AGL: variants seen among roughly 807,000 people sequenced by gnomAD.
AGL encodes the protein glycogen debranching enzyme.
Under a neutral mutation model 199.3 loss-of-function variants are expected in AGL, and 128 were observed. The observed-to-expected ratio is 0.64, with a 90% CI of 0.56 to 0.74. The LOEUF is 0.74. AGL is among the 30% of genes least tolerant of loss of function. The pLI is 0.00. For synonymous variants in AGL, 584 were observed against 594.7 expected (o/e 0.98, Z 0.26); for missense variants, 1,809 against 1,820.8 (o/e 0.99, Z 0.12).
chr1:99,877,788 G>A lies in AGL; in HGVS notation c.1571G>A (p.Arg524His), dbSNP rs758182700. Residue 524 changes from arginine to histidine, a missense_variant, in exon 12 of 34, where the codon CGT becomes CAT. By Grantham distance (29) the Arg-to-His change is conservative (BLOSUM62 0). Transcript: ENST00000361915. ...EITATYFQGV[R>H]LDNCHSTPLH... ...ACTGCAACTTATTTCCAGGGAGTAC[G>A]TCTTGATAACTGCCACTCAACACCT... is the stretch of plus-strand genomic sequence containing the variant. The A allele has an allele frequency of 5.0e-6, 8 of 1,613,902 alleles. No homozygotes were observed. The highest frequency in any genetic ancestry group is 2.2e-5 in the East Asian group (1 of 44,854).
chr1:99,852,819 A>T, intron 2 of AGL: 1 of 744,456 alleles, frequency 1.3e-6, no homozygotes, highest in East Asian at 2.5e-5. Context: ...CATTGATATG[A>T]ATCACTCCAT....
intron 33 of AGL, among the ~76,000 whole-genome samples, chr1:99,920,529 G>C (rs563512228): frequency 6.6e-6 from 1 of 152,088 alleles, no homozygotes; most frequent in South Asian, 2.1e-4. Context: ...CAGTCATTTG[G>C]CATTTTACTC....
At chr1:99,852,619 T>C (rs1398438702) in intron 2 of AGL, 6 of 724,606 alleles carry the variant, frequency 8.3e-6, no homozygotes, top group Non-Finnish European at 1.0e-5. Flanking sequence ...CAAGCAACCC[T>C]CCCTCTTTGG....
rs1163701952 is a variant in AGL at position 99,884,342 on chromosome 1, A to G, written c.2437A>G (p.Asn813Asp). The G allele has an allele frequency of 6.2e-7, 1 of 1,613,108 alleles. No individual in the cohort carries two copies. Among genetic ancestry groups the G allele is most frequent in the South Asian group, 1.1e-5 (1 of 91,054 alleles). Residue 813 changes from asparagine to aspartate, a missense_variant, in exon 19 of 34, where the codon AAT becomes GAT. Asn to Asp is a conservative substitution (Grantham distance 23). Coordinates refer to ENST00000361915, the MANE Select transcript of AGL (RefSeq NM_000642.3). ...TVEIREHIQL[N>D]ESKIVKQAGV... is the part of the protein sequence containing the mutation. ...TTTTAATGTACTTTTTTTCAAGCTT[A>G]ATGAAAGTAAAATTGTTAAACAAGC...
At chr1:99,882,851 C>T (rs1652159982) in intron 17 of AGL, among the ~76,000 whole-genome samples, 1 of 152,106 alleles carries the variant, frequency 6.6e-6, no homozygotes, top group Admixed American at 6.6e-5. Flanking sequence ...TTGCTAGTTG[C>T]TGAATATGCA....
intron 27 of AGL, among the ~76,000 whole-genome samples, chr1:99,909,166 C>T (rs1045938724): frequency 1.3e-5 from 2 of 152,014 alleles, no homozygotes; most frequent in African/African-American, 2.4e-5. Context: ...GAGGGGAGCA[C>T]TGTCCCTAAC....
Position 99,915,893 on chromosome 1 carries a change from A to G in AGL, c.4259+407A>G, listed in dbSNP as rs1412021334. On this transcript the variant is annotated intron_variant, in intron 31 of 33. Transcript: ENST00000361915. The stretch of plus-strand genomic sequence containing the variant: ...TATAGATAACTGTGTTATAAGTTCC[A>G]TGTATTACAATAAAGCAATATGTAT... Among the ~76,000 whole-genome samples, 6 of 152,318 alleles carry G rather than the reference A, an allele frequency of 3.9e-5. No individual in the cohort carries two copies. The South Asian group carries it at 6.2e-4, about 16-fold the overall frequency.
chr1:99,907,766 G>T (rs947423216), intron 27 of AGL, among the ~76,000 whole-genome samples: 2 of 131,866 alleles, frequency 1.5e-5, no homozygotes, highest in Admixed American at 1.8e-4. Context: ...TTTCCTTAAT[G>T]ATTTCTTAGT....
chr1:99,918,617 C>T (rs1655302393), intron 33 of AGL, among the ~76,000 whole-genome samples: 1 of 152,152 alleles, frequency 6.6e-6, no homozygotes, highest in Non-Finnish European at 1.5e-5. Context: ...AGCCACCACA[C>T]CCAGCCATTT....
intron 10 of AGL, among the ~76,000 whole-genome samples, chr1:99,876,062 A>G (rs1484185393): frequency 6.6e-6 from 1 of 152,118 alleles, no homozygotes; most frequent in African/African-American, 2.4e-5. Context: ...TTTAGTAGAG[A>G]CGGGGTTTCC....
rs866082714 is a variant in AGL at position 99,884,703 on chromosome 1, C to T, written c.2681C>T (p.Ser894Phe). ...ADPILKIPFASLASRLTLAEL... is the reference protein window; with the variant it reads ...ADPILKIPFAFLASRLTLAEL... ...CCTATATTAAAAATTCCTTTTGCTTCGTAAGTATGCCTTGTTTGGTAGAGA... is the reference window on the plus strand; with the variant it reads ...CCTATATTAAAAATTCCTTTTGCTTTGTAAGTATGCCTTGTTTGGTAGAGA... Residue 894 changes from serine to phenylalanine, a missense_variant and splice_region_variant, in exon 20 of 34, where the codon TCT becomes TTT. Coordinates refer to ENST00000361915, the MANE Select transcript of AGL (RefSeq NM_000642.3). 2.0e-5 allele frequency: 33 copies of T among 1,613,620 alleles called. No homozygotes were observed. The highest frequency in any genetic ancestry group is 7.7e-5 in the South Asian group (7 of 91,080).
intron 21 of AGL, 86 bp downstream of exon 21, chr1:99,888,194 G>A: frequency 6.5e-7 from 1 of 1,550,276 alleles, no homozygotes; most frequent in Non-Finnish European, 8.8e-7. Flanking sequence ...TATAGGCTCA[G>A]AGTATGCCTA....
intron 12 of AGL, among the ~76,000 whole-genome samples, chr1:99,879,357 G>A (rs943180858): frequency 6.7e-6 from 1 of 148,426 alleles, no homozygotes; most frequent in African/African-American, 2.5e-5. Flanking sequence ...GGCTCAGGCA[G>A]GCAGATCAGC....
chr1:99,849,752 A>G (rs1426572043), upstream of AGL, among the ~76,000 whole-genome samples: 1 of 152,228 alleles, frequency 6.6e-6, no homozygotes, highest in East Asian at 1.9e-4. Context: ...AAAATTATCA[A>G]AACAAAGAAA....
At chr1:99,875,900 A>C (rs1651487099) in intron 10 of AGL, among the ~76,000 whole-genome samples, 1 of 152,052 alleles carries the variant, frequency 6.6e-6, no homozygotes, top group Admixed American at 6.6e-5. Flanking sequence ...TTTGAGATGG[A>C]GTCTTGTTCT....
chr1:99,888,720 T>C (rs1652647170), intron 21 of AGL, among the ~76,000 whole-genome samples: 1 of 152,200 alleles, frequency 6.6e-6, no homozygotes, highest in South Asian at 2.1e-4. Flanking sequence ...TTTACTTAGA[T>C]GTTTAAGAAA....
At chr1:99,907,314 A>C (rs570560150) in intron 27 of AGL, among the ~76,000 whole-genome samples, 2 of 152,210 alleles carry the variant, frequency 1.3e-5, no homozygotes, top group Admixed American at 6.5e-5. Context: ...ATAATATTCC[A>C]TTGTATGTAT....
chr1:99,850,808 A>G (rs1275443987), intron 1 of AGL, 167 bp from the exon 2 acceptor site: 2 of 534,034 alleles, frequency 3.7e-6, no homozygotes, highest in African/African-American at 1.9e-5. Context: ...AAAGGCAGGA[A>G]ACAACTATTA....
At chr1:99,916,294 T>G (rs1655106124) in intron 31 of AGL, 116 bp from the exon 32 acceptor site, 4 of 822,068 alleles carry the variant, frequency 4.9e-6, no homozygotes, top group Non-Finnish European at 7.9e-6. Flanking sequence ...GAGCTTATTC[T>G]GTAGAAGACA....
Sources: allele counts gnomAD v4.1 joint callset (sites outside exome capture counted in the v4.1 genomes callset), GRCh38; gene constraint gnomAD v4.1.1; transcripts MANE v1.5; gene names NCBI Gene and HGNC (gene_info 2026-07-23, HGNC 2026-07-21).